The following SLC36A1 variants were observed in gnomAD, a reference collection of about 807,000 sequenced individuals.
SLC36A1 encodes the protein proton-coupled amino acid transporter 1.
In SLC36A1, 30 loss-of-function variants were observed where a neutral mutation model predicts 47.5. The observed-to-expected ratio is 0.63, with a 90% confidence interval of 0.47 to 0.86. The LOEUF is 0.86. SLC36A1 is among the 40% of genes least tolerant of loss of function. SLC36A1 has a pLI of 0.00. For synonymous variants in SLC36A1, 255 were observed against 249.7 expected (o/e 1.02, Z -0.20); for missense variants, 517 against 606.0 (o/e 0.85, Z 1.54).
chr5:151,488,518 CT>C lies in SLC36A1; in HGVS notation c.*265del. The C allele has an allele frequency of 2.0e-6, 1 of 489,590 alleles. No individual in the cohort carries two copies. The highest frequency in any genetic ancestry group is 2.6e-5 in the South Asian group (1 of 39,012). 30.3% of individuals were successfully genotyped at this position (489,590 alleles called of 1,614,324 possible). On this transcript the variant is annotated 3_prime_UTR_variant, in exon 11 of 11. Transcript: ENST00000243389. ...TACACCCAGAACTTTCCAGCTCCCC[CT>C]CATCATGCCTCCTCCTTCCTACCTG...
the SLC36A1 span, among the ~76,000 whole-genome samples, chr5:151,403,067 C>G: frequency 6.6e-6 from 1 of 151,728 alleles, no homozygotes; most frequent in Non-Finnish European, 1.5e-5. Context: ...TAGTTTGTTT[C>G]TGTTTCTCTA....
chr5:151,531,473 G>C, the SLC36A1 span: 1 of 1,377,686 alleles, frequency 7.3e-7, no homozygotes, highest in Non-Finnish European at 9.9e-7. This position sits in a 1 kb window ranked among gnomAD's most constrained non-coding sequence, Gnocchi z 5.7. Flanking sequence ...AACGACCAGA[G>C]GAGGTCTGCT....
At chr5:151,367,361 A>ATATTTT in the SLC36A1 span, among the ~76,000 whole-genome samples, 4 of 118,846 alleles carry the variant, frequency 3.4e-5, no homozygotes, top group African/African-American at 1.4e-4. Flanking sequence ...CCAGGAATGC[A>ATATTTT]TTTTTTTTTT....
the SLC36A1 span, among the ~76,000 whole-genome samples, chr5:151,498,251 G>C: frequency 6.6e-6 from 1 of 152,110 alleles, no homozygotes; most frequent in African/African-American, 2.4e-5. Context: ...GGCCAGGGGG[G>C]TGGGAATGTC....
At chr5:151,506,223 T>TACAC in the SLC36A1 span, 2 of 995,084 alleles carry the variant, frequency 2.0e-6, no homozygotes, top group Non-Finnish European at 2.8e-6. Flanking sequence ...GGCCCATCTG[T>TACAC]GCAGGTTGTC....
the SLC36A1 span, among the ~76,000 whole-genome samples, chr5:151,404,992 G>A: frequency 6.6e-6 from 1 of 152,182 alleles, no homozygotes; most frequent in South Asian, 2.1e-4. Flanking sequence ...TGTTTTCCAA[G>A]TTGCATACTC....
chr5:151,417,604 G>T, the SLC36A1 span, among the ~76,000 whole-genome samples: 1 of 152,170 alleles, frequency 6.6e-6, no homozygotes, highest in Admixed American at 6.5e-5. Context: ...TAACAGCAAA[G>T]CACTCAAGAG....
chr5:151,356,339 CAA>C, the SLC36A1 span, among the ~76,000 whole-genome samples: 238 of 51,324 alleles, frequency 4.6e-3, 2 homozygotes, highest in African/African-American at 0.011. Context: ...CTCTGTCTCA[CAA>C]AAAAAAAAAA....
chr5:151,525,078 G>A, the SLC36A1 span, among the ~76,000 whole-genome samples: 17 of 152,136 alleles, frequency 1.1e-4, no homozygotes, highest in Admixed American at 9.8e-4. Flanking sequence ...AAATGGCCTC[G>A]CATGTAGTAG....
chr5:151,347,595 C>T, the SLC36A1 span: 31 of 1,075,026 alleles, frequency 2.9e-5, 1 homozygote, highest in South Asian at 1.1e-4. Context: ...CAAGCTGGAA[C>T]GAGGCCCCGC....
At chr5:151,479,299 G>A (rs756066601) in intron 9 of SLC36A1, 21 bp from the exon 10 acceptor site, 1 of 1,611,906 alleles carries the variant, frequency 6.2e-7, no homozygotes, top group Non-Finnish European at 8.5e-7. Context: ...GGCTTGGAAT[G>A]TCTCCTGTCT....
chr5:151,459,516 G>A (rs746893019), intron 2 of SLC36A1, among the ~76,000 whole-genome samples: 56 of 152,168 alleles, frequency 3.7e-4, no homozygotes, highest in Non-Finnish European at 6.3e-4. Flanking sequence ...CAAATGTAAA[G>A]AAAAATTGAG....
At chr5:151,391,528 G>C in the SLC36A1 span, among the ~76,000 whole-genome samples, 7 of 152,274 alleles carry the variant, frequency 4.6e-5, no homozygotes, top group South Asian at 2.1e-4. Flanking sequence ...GAATGATATT[G>C]GCTGTGGGTT....
intron 1 of SLC36A1, among the ~76,000 whole-genome samples, chr5:151,439,691 T>C (rs1455198519): frequency 6.7e-6 from 1 of 149,286 alleles, no homozygotes; most frequent in Admixed American, 6.7e-5. Flanking sequence ...GAAAAAGAAA[T>C]GTTTAAAACA....
chr5:151,428,911 G>A, the SLC36A1 span, among the ~76,000 whole-genome samples: 18 of 152,230 alleles, frequency 1.2e-4, no homozygotes, highest in Admixed American at 6.5e-5. Flanking sequence ...GGGATTATAG[G>A]CGTGAGCCAC....
chr5:151,553,246 G>A, the SLC36A1 span: 5 of 1,614,210 alleles, frequency 3.1e-6, no homozygotes, highest in Non-Finnish European at 4.2e-6. Context: ...TGGTTCACAG[G>A]GTCCGTCTCC....
chr5:151,357,779 TGA>T, the SLC36A1 span, among the ~76,000 whole-genome samples: 1 of 152,254 alleles, frequency 6.6e-6, no homozygotes. Context: ...ATATATTTTC[TGA>T]GCATGAACTC....
chr5:151,491,922 G>A lies in SLC36A1; in HGVS notation c.*3668G>A, dbSNP rs1760154597. The A allele has an allele frequency of 1.3e-5, 2 of 152,230 alleles. No homozygotes were observed. Among genetic ancestry groups the A allele is most frequent in the Non-Finnish European group, 2.9e-5 (2 of 68,044 alleles). The allele number at this position is 152,230 out of a possible 1,614,324, so 9.4% of individuals were successfully genotyped here. On this transcript the variant is annotated 3_prime_UTR_variant, in exon 11 of 11. Transcript: ENST00000243389. The stretch of plus-strand genomic sequence containing the variant: ...TAGACAGTAAGTCCGGCTGGTTGCA[G>A]GGCTATTTGCCCCGACAGCATCAGC...
chr5:151,554,463 T>A, the SLC36A1 span: 2 of 1,614,228 alleles, frequency 1.2e-6, no homozygotes, highest in Non-Finnish European at 1.7e-6. Context: ...TCCTCGATAC[T>A]GTAGGTGACT....
Sources: gnomAD v4.1 joint callset for allele counts (sites outside exome capture counted in the v4.1 genomes callset) on GRCh38, gnomAD v4.1.1 for gene constraint, Gnocchi (gnomAD v3.1) non-coding constraint, MANE v1.5 for transcripts, NCBI Gene and HGNC (gene_info 2026-07-23, HGNC 2026-07-21) for gene names.